Variants in ALG11 observed in about 807,000 individuals in gnomAD.
The protein encoded by ALG11 is GDP-Man:Man(3)GlcNAc(2)-PP-Dol alpha-1,2-mannosyltransferase.
Under a neutral mutation model 38.8 loss-of-function variants are expected in ALG11, and 26 were observed. The observed-to-expected ratio is 0.67, with a 90% CI of 0.49 to 0.93. The LOEUF (loss-of-function observed/expected upper bound fraction) is 0.93, where lower values mean the gene tolerates loss of function less well. Ranked by LOEUF, ALG11 falls within the 40% of genes least tolerant of loss-of-function variation. ALG11 has a pLI of 0.00. For synonymous variants in ALG11, 199 were observed against 211.6 expected, an observed-to-expected ratio of 0.94 and a Z score of 0.52; for missense variants, 535 against 578.8, an observed-to-expected ratio of 0.92 and a Z score of 0.78.
In ALG11 at chr13:52,024,260, G is replaced by A. The variant is rs772721326; in HGVS notation, c.530G>A (p.Gly177Glu). The A allele has an allele frequency of 1.9e-6, 3 of 1,614,120 alleles. No individual in the cohort carries two copies. Among genetic ancestry groups the A allele is most frequent in the Non-Finnish European group, 2.5e-6 (3 of 1,180,034 alleles). The change falls in exon 3 of 4, where the codon GGA (glycine) becomes GAA (glutamate). Residue 177 changes from glycine to glutamate, a missense_variant. By Grantham distance (98) the Gly-to-Glu change is moderately conservative (BLOSUM62 -2). Coordinates refer to ENST00000521508, the MANE Select transcript of ALG11 (RefSeq NM_001004127.3). ...CVPDVYIDSM[G>E]YAFTLPLFKY... ...CCTGATGTTTACATTGATTCAATGG[G>A]ATACGCTTTTACGCTTCCTCTGTTT...
chr13:52,025,796 A>G (rs947574422), intron 3 of ALG11, among the ~76,000 whole-genome samples: 4 of 152,248 alleles, frequency 2.6e-5, no homozygotes, highest in Non-Finnish European at 5.9e-5. Context: ...GGAAATGAGG[A>G]TAACATAAAA....
Position 52,032,463 on chromosome 13 carries a change from T to G in ALG11, c.*3873T>G, listed in dbSNP as rs1197025167. On this transcript the variant is annotated 3_prime_UTR_variant, in exon 4 of 4. Coordinates refer to ENST00000521508, the MANE Select transcript of ALG11 (RefSeq NM_001004127.3). ...AAAGACCTATAGCTTTTGCACTTTA[T>G]GCATATATAATCAATCCTTTCTAGT... is the stretch of plus-strand genomic sequence containing the variant. The G allele has an allele frequency of 6.0e-6, 1 of 167,112 alleles. No individual in the cohort carries two copies. The highest frequency in any genetic ancestry group is 1.5e-5 in the Non-Finnish European group (1 of 68,128). The allele number at this position is 167,112 out of a possible 1,614,324, so 10.4% of individuals were successfully genotyped here. A position where few individuals can be genotyped will look rare whatever the true frequency, so the allele number is the denominator to read the frequency against.
At position 52,030,930 on chromosome 13, in the gene ALG11, A is replaced by G; in HGVS notation, c.*2340A>G. The G allele has an allele frequency of 6.2e-7, 1 of 1,614,236 alleles. No homozygotes were observed. Among genetic ancestry groups the G allele is most frequent in the Non-Finnish European group, 8.5e-7 (1 of 1,180,030 alleles). On this transcript the variant is annotated 3_prime_UTR_variant, in exon 4 of 4. Transcript: ENST00000521508. Reference sequence around the variant, plus strand: ...CCTATAGGATCCACATGGAACACCCAGAGGGCTTTCCAAAAGCTGACTACT... The same window carrying G: ...CCTATAGGATCCACATGGAACACCCGGAGGGCTTTCCAAAAGCTGACTACT...
At chr13:52,014,641 C>T (rs1366301296) in intron 1 of ALG11, among the ~76,000 whole-genome samples, 2 of 151,674 alleles carry the variant, frequency 1.3e-5, no homozygotes, top group African/African-American at 2.4e-5. Context: ...CTCAAGCAAT[C>T]CTCCCACCTC....
chr13:52,028,753 A>T lies in ALG11; in HGVS notation c.*163A>T. 6.2e-7 allele frequency: 1 copy of T among 1,612,764 alleles called. No individual in the cohort carries two copies. Among genetic ancestry groups the T allele is most frequent in the Middle Eastern group, 1.7e-4 (1 of 6,026 alleles). ...GGAAGTGTTGAAAAGAAAATGGATGACTAGCCTTCGGCTTCCATTCTTGGT... is the reference window on the plus strand; with the variant it reads ...GGAAGTGTTGAAAAGAAAATGGATGTCTAGCCTTCGGCTTCCATTCTTGGT... On this transcript the variant is annotated 3_prime_UTR_variant, in exon 4 of 4. Transcript: ENST00000521508.
At chr13:52,027,435 A>G (rs1256906128) in intron 3 of ALG11, among the ~76,000 whole-genome samples, 1 of 152,150 alleles carries the variant, frequency 6.6e-6, no homozygotes, top group African/African-American at 2.4e-5. Context: ...TGAGCTACTG[A>G]ATTCTGTTCT....
chr13:52,024,793 A>T lies in ALG11; in HGVS notation c.1063A>T (p.Asn355Tyr), dbSNP rs1477782744. The T allele has an allele frequency of 1.9e-6, 3 of 1,614,220 alleles. No homozygotes were observed. The East Asian group carries it at 6.7e-5, about 36-fold the overall frequency. The change falls in exon 3 of 4, where the codon AAC becomes TAC. Residue 355 changes from asparagine (N) to tyrosine (Y), a missense_variant. Asn to Tyr is a moderately radical substitution (Grantham distance 143). Coordinates refer to ENST00000521508, the MANE Select transcript of ALG11 (RefSeq NM_001004127.3). Reference protein sequence around the residue: ...CRNKDDELRVNQLRRLSEDLG... With the variant: ...CRNKDDELRVYQLRRLSEDLG... ...TAACAAAGATGATGAACTTAGGGTAAACCAACTGAGAAGGCTGTCTGAGGA... is the reference window on the plus strand; with the variant it reads ...TAACAAAGATGATGAACTTAGGGTATACCAACTGAGAAGGCTGTCTGAGGA...
rs1283038218 is a variant in ALG11, at chr13:52,024,068, T to TAGA, written c.341_343dup (p.Glu114dup). 1 of 1,614,210 alleles carries TAGA rather than the reference T, an allele frequency of 6.2e-7. No homozygotes were observed. The highest frequency in any genetic ancestry group is 8.5e-7 in the Non-Finnish European group (1 of 1,180,024). ...GTTAATGTCAACGGTCAACAGATACTAGAAGGTGCTTTCAGAAGATTTAAC... is the reference window on the plus strand; with the variant it reads ...GTTAATGTCAACGGTCAACAGATACTAGAAGAAGGTGCTTTCAGAAGATTTAAC... On this transcript the variant is annotated inframe_insertion, in exon 3 of 4. Transcript: ENST00000521508.
chr13:52,030,901 G>C lies in ALG11; in HGVS notation c.*2311G>C. On this transcript the variant is annotated 3_prime_UTR_variant, in exon 4 of 4. Transcript: ENST00000521508. ...ATCGGCAATTTGAAAGGACCATCCA[G>C]ACCCCTATAGGATCCACATGGAACA... 6.2e-7 allele frequency: 1 copy of C among 1,614,130 alleles called. No homozygotes were observed. The highest frequency in any genetic ancestry group is 8.5e-7 in the Non-Finnish European group (1 of 1,180,026).
chr13:52,018,208 C>T (rs1263273916), intron 1 of ALG11, among the ~76,000 whole-genome samples: 1 of 152,162 alleles, frequency 6.6e-6, no homozygotes, highest in Non-Finnish European at 1.5e-5. Flanking sequence ...AAGCCTGGGC[C>T]CTTGCTTTTG....
rs149032027 is a variant in ALG11, at chr13:52,028,331, G to A, written c.1220G>A (p.Cys407Tyr). 2.5e-6 allele frequency: 4 copies of A among 1,614,140 alleles called. No individual in the cohort carries two copies. The highest frequency in any genetic ancestry group is 2.2e-5 in the East Asian group (1 of 44,892). The change falls in exon 4 of 4, where the codon TGT becomes TAT. Residue 407 changes from cysteine (C) to tyrosine (Y), a missense_variant. Cys to Tyr is a radical substitution (Grantham distance 194, BLOSUM62 -2). Transcript: ENST00000521508. The part of the protein sequence containing the change: ...NEHFGIGVVE[C>Y]MAAGTIILAH... ...TTTTTTTTCTCAGGAGTTGTGGAGT[G>A]TATGGCAGCTGGCACAATTATCCTT...
At chr13:52,017,871 A>G (rs61958800) in intron 1 of ALG11, among the ~76,000 whole-genome samples, 6,436 of 152,256 alleles carry the variant, frequency 0.042, 167 homozygotes, top group South Asian at 0.09. Context: ...ACCTGTGTCC[A>G]TCATCAACCA....
In ALG11 at chr13:52,027,984, G is replaced by A. The variant is rs539348700; in HGVS notation, c.1208-335G>A. Among the ~76,000 whole-genome samples the A allele has an allele frequency of 3.9e-5, 6 of 152,136 alleles. No homozygotes were observed. In the South Asian group the frequency reaches 1.0e-3, roughly 26 times the overall value. On this transcript the variant is annotated intron_variant, in intron 3 of 3. Coordinates refer to ENST00000521508, the MANE Select transcript of ALG11 (RefSeq NM_001004127.3). ...CTAAGAATAAAGCAGCAGGCTGGGT[G>A]TGGTAGCTCACGCTGGTAAATCCCA...
At chr13:52,026,307 A>G (rs1241444193) in intron 3 of ALG11, among the ~76,000 whole-genome samples, 1 of 152,204 alleles carries the variant, frequency 6.6e-6, no homozygotes, top group Non-Finnish European at 1.5e-5. Flanking sequence ...AGATGCATCA[A>G]TAGGAACATT....
At position 52,028,869 on chromosome 13, in the gene ALG11, C is replaced by A. The variant is rs1318825286; in HGVS notation, c.*279C>A. ...CACCAGGAAGAACTAGTGGATTTGCCAAAAAACTACCCCTTGAGTGAAAAT... is the reference window on the plus strand; with the variant it reads ...CACCAGGAAGAACTAGTGGATTTGCAAAAAAACTACCCCTTGAGTGAAAAT... On this transcript the variant is annotated 3_prime_UTR_variant, in exon 4 of 4. Coordinates refer to ENST00000521508, the MANE Select transcript of ALG11 (RefSeq NM_001004127.3). 5.6e-6 allele frequency: 9 copies of A among 1,614,002 alleles called. No individual in the cohort carries two copies. Among genetic ancestry groups the A allele is most frequent in the Non-Finnish European group, 7.6e-6 (9 of 1,180,038 alleles).
Position 52,028,419 on chromosome 13 carries a change from C to A in ALG11, c.1308C>A (p.Gly436=), listed in dbSNP as rs1452024005. Reference sequence around the variant, plus strand: ...TTCCTCACGAAGGAGATATAACTGGCTTTCTGGCTGAGAGTGAAGAAGACT... The same window carrying A: ...TTCCTCACGAAGGAGATATAACTGGATTTCTGGCTGAGAGTGAAGAAGACT... ...IVVPHEGDIT[G]FLAESEEDYA... Residue 436 remains glycine (G), a synonymous_variant, in exon 4 of 4, where the codon GGC becomes GGA. Transcript: ENST00000521508. 5.6e-6 allele frequency: 9 copies of A among 1,614,146 alleles called. No homozygotes were observed. Among genetic ancestry groups the A allele is most frequent in the Non-Finnish European group, 7.6e-6 (9 of 1,180,026 alleles).
intron 2 of ALG11, among the ~76,000 whole-genome samples, chr13:52,019,378 C>A (rs1269937416): frequency 6.6e-6 from 1 of 151,858 alleles, no homozygotes; most frequent in Non-Finnish European, 1.5e-5. Context: ...CCCGCCACCA[C>A]GTCCGGCTAA....
Position 52,029,949 on chromosome 13 carries a change from C to T in ALG11, c.*1359C>T, listed in dbSNP as rs1002838754. The T allele has an allele frequency of 6.2e-7, 1 of 1,614,166 alleles. No homozygotes were observed. The highest frequency in any genetic ancestry group is 8.5e-7 in the Non-Finnish European group (1 of 1,180,032). On this transcript the variant is annotated 3_prime_UTR_variant, in exon 4 of 4. Transcript: ENST00000521508. ...ATGTTCAGGAGCTGCACCAGTGACA[C>T]CAAAGAGGCTGCAACACAGGAGGAC... is the stretch of plus-strand genomic sequence containing the variant.
intron 3 of ALG11, 73 bp downstream of exon 3, chr13:52,025,010 A>C (rs1177753998): frequency 1.8e-5 from 26 of 1,479,414 alleles, no homozygotes; most frequent in African/African-American, 2.8e-5. Context: ...TAAAATGATA[A>C]TACTCTGGAA....
Sources: allele counts gnomAD v4.1 joint callset (sites outside exome capture counted in the v4.1 genomes callset), GRCh38; gene constraint gnomAD v4.1.1; transcripts MANE v1.5; gene names NCBI Gene and HGNC (gene_info 2026-07-23, HGNC 2026-07-21).